The following DIAPH3 variants were observed in gnomAD, a reference collection of about 807,000 sequenced individuals.
The protein encoded by DIAPH3 is diaphanous related formin 3.
Under a neutral mutation model 144.3 loss-of-function variants are expected in DIAPH3, and 117 were observed. That is an observed-to-expected ratio of 0.81 (90% CI 0.70 to 0.95). The LOEUF (loss-of-function observed/expected upper bound fraction) is 0.95. Ranked by LOEUF, DIAPH3 falls within the 40% of genes least tolerant of loss-of-function variation. The pLI is 0.00. For missense variants in DIAPH3, 1,421 were observed against 1,412.7 expected (o/e 1.01, Z -0.09); for synonymous variants, 519 against 488.9 (o/e 1.06, Z -0.81).
At chr13:59,773,239 T>C (rs887247992) in intron 27 of DIAPH3, among the ~76,000 whole-genome samples, 2 of 152,188 alleles carry the variant, frequency 1.3e-5, no homozygotes, top group Admixed American at 1.3e-4. Flanking sequence ...ATATATACTT[T>C]ACCTTCGGCA....
At chr13:59,805,511 T>A (rs341529) in intron 25 of DIAPH3, among the ~76,000 whole-genome samples, 109,980 of 151,792 alleles carry the variant, frequency 0.72, 40,169 homozygotes, top group Admixed American at 0.79. Context: ...ACTTTTTAAA[T>A]TAAAATAGTT....
At chr13:59,852,208 A>G (rs949685287) in intron 22 of DIAPH3, among the ~76,000 whole-genome samples, 1 of 152,206 alleles carries the variant, frequency 6.6e-6, no homozygotes, top group African/African-American at 2.4e-5. Flanking sequence ...TTTTAAATCT[A>G]TACTTAAAGG....
chr13:60,102,769 C>T (rs1006294683), intron 3 of DIAPH3, among the ~76,000 whole-genome samples: 6 of 152,142 alleles, frequency 3.9e-5, no homozygotes, highest in Admixed American at 1.3e-4. Flanking sequence ...GTCAATATAA[C>T]GACTGACCCC....
intron 17 of DIAPH3, among the ~76,000 whole-genome samples, chr13:59,958,072 T>C (rs1027975036): frequency 3.3e-5 from 5 of 152,206 alleles, no homozygotes; most frequent in South Asian, 2.1e-4. Context: ...TTAAAATAAA[T>C]TGCTTATTTT....
At chr13:60,021,955 G>A (rs1006437361) in intron 5 of DIAPH3, among the ~76,000 whole-genome samples, 2 of 152,006 alleles carry the variant, frequency 1.3e-5, no homozygotes, top group Admixed American at 1.3e-4. Flanking sequence ...TCGTTATTTT[G>A]TAGTTTTCAG....
rs114394590 is a variant in DIAPH3, at chr13:60,082,304, G to A, written c.495+11324C>T. On this transcript the variant is annotated intron_variant, in intron 4 of 27. Transcript: ENST00000400324. ...AGATAAAAAGCATTTGGGAGAAGACGGCATATTAAAGATAGACAAAAATCC... is the reference window on the plus strand; with the variant it reads ...AGATAAAAAGCATTTGGGAGAAGACAGCATATTAAAGATAGACAAAAATCC... 7.7e-3 allele frequency among the ~76,000 whole-genome samples: 1,155 copies of A among 149,960 alleles called. 13 individuals carry two copies. Among genetic ancestry groups the A allele is most frequent in the African/African-American group, 0.026 (1,067 of 40,834 alleles).
chr13:59,937,969 G>A (rs1478723450), intron 17 of DIAPH3, among the ~76,000 whole-genome samples: 3 of 152,076 alleles, frequency 2.0e-5, no homozygotes, highest in South Asian at 2.1e-4. Context: ...TTTCTGATAC[G>A]TAGTTATCCT....
chr13:60,015,672 G>A (rs1293965051), intron 7 of DIAPH3, among the ~76,000 whole-genome samples: 3 of 151,992 alleles, frequency 2.0e-5, no homozygotes, highest in Admixed American at 6.6e-5. Context: ...GGGTTGAGAG[G>A]GAGGAAAGGG....
intron 2 of DIAPH3, among the ~76,000 whole-genome samples, chr13:60,132,317 G>C (rs1594749230): frequency 1.3e-5 from 2 of 152,262 alleles, no homozygotes; most frequent in South Asian, 4.1e-4. Context: ...GGGGGGCCAT[G>C]CTTTTTCCTC....
chr13:59,806,640 T>C (rs1249123164), intron 25 of DIAPH3, among the ~76,000 whole-genome samples: 1 of 151,950 alleles, frequency 6.6e-6, no homozygotes, highest in Non-Finnish European at 1.5e-5. Context: ...ATTTGGTTAT[T>C]TGAAGCACTC....
chr13:59,878,114 A>G (rs139170233), intron 21 of DIAPH3, among the ~76,000 whole-genome samples: 1,737 of 152,258 alleles, frequency 0.011, 16 homozygotes, highest in Middle Eastern at 0.017. Context: ...TAAAGATAGA[A>G]TCTAAAGATA....
At chr13:59,902,566 G>A (rs1447631691) in intron 20 of DIAPH3, among the ~76,000 whole-genome samples, 3 of 152,102 alleles carry the variant, frequency 2.0e-5, no homozygotes, top group Non-Finnish European at 4.4e-5. Flanking sequence ...TTGAGGTCAG[G>A]AGTTCAAGAC....
chr13:59,972,105 C>G (rs1190734592), intron 15 of DIAPH3, among the ~76,000 whole-genome samples: 1 of 152,098 alleles, frequency 6.6e-6, no homozygotes, highest in East Asian at 1.9e-4. Flanking sequence ...AAAGCAGTGA[C>G]TGGTGCATGA....
At chr13:59,847,948 C>A (rs191457056) in intron 22 of DIAPH3, among the ~76,000 whole-genome samples, 1 of 152,234 alleles carries the variant, frequency 6.6e-6, no homozygotes, top group East Asian at 1.9e-4. Context: ...ATTTATCTTC[C>A]TCCTTGACTT....
chr13:60,151,864 A>G (rs1951804044), intron 1 of DIAPH3, among the ~76,000 whole-genome samples: 2 of 152,298 alleles, frequency 1.3e-5, no homozygotes, highest in South Asian at 2.1e-4. Flanking sequence ...TGCAGATTAT[A>G]TGCACTCCAT....
At chr13:60,065,121 A>T (rs552070986) in intron 4 of DIAPH3, among the ~76,000 whole-genome samples, 1 of 152,266 alleles carries the variant, frequency 6.6e-6, no homozygotes, top group East Asian at 1.9e-4. Flanking sequence ...CAAATAATGG[A>T]AAAGTTTGAA....
intron 1 of DIAPH3, among the ~76,000 whole-genome samples, chr13:60,138,631 A>G (rs183659085): frequency 6.6e-6 from 1 of 152,242 alleles, no homozygotes; most frequent in Non-Finnish European, 1.5e-5. Flanking sequence ...TCTAAGGTAC[A>G]AATCATTCAG....
At chr13:60,047,535 T>C (rs1224815358) in intron 4 of DIAPH3, among the ~76,000 whole-genome samples, 1 of 152,184 alleles carries the variant, frequency 6.6e-6, no homozygotes, top group Admixed American at 6.5e-5. Flanking sequence ...TCAATGATTT[T>C]CACGAAAGTT....
intron 25 of DIAPH3, among the ~76,000 whole-genome samples, chr13:59,777,526 A>G (rs935587000): frequency 6.6e-6 from 1 of 152,214 alleles, no homozygotes; most frequent in African/African-American, 2.4e-5. Flanking sequence ...ATTGTGCATA[A>G]GGGATGTAGA....
Sources: gnomAD v4.1 joint callset for allele counts (sites outside exome capture counted in the v4.1 genomes callset) on GRCh38, gnomAD v4.1.1 for gene constraint, MANE v1.5 for transcripts, NCBI Gene and HGNC (gene_info 2026-07-23, HGNC 2026-07-21) for gene names.